The following CD164 variants were observed in gnomAD, a reference collection of about 807,000 sequenced individuals.
CD164 encodes CD164 molecule.
Under a neutral mutation model 24.6 loss-of-function variants are expected in CD164, and 11 were observed. The observed-to-expected ratio is 0.45, with a 90% CI of 0.28 to 0.74. The LOEUF (loss-of-function observed/expected upper bound fraction) is 0.74. Among genes scored for constraint, CD164 ranks in the 30% least tolerant of loss-of-function variants. The pLI, the probability that CD164 is intolerant of heterozygous loss-of-function variation, is 0.13. For missense variants in CD164, 295 were observed against 243.7 expected (o/e 1.21, Z -1.40); for synonymous variants, 126 against 100.3 (o/e 1.26, Z -1.53).
chr6:109,375,627 A>AAGAAAG (rs1554215563), intron 4 of CD164, among the ~76,000 whole-genome samples: 1 of 144,672 alleles, frequency 6.9e-6, no homozygotes, highest in Non-Finnish European at 1.5e-5. Flanking sequence ...CAAAAAAAAA[A>AAGAAAG]AAAGAAAAGA....
intron 5 of CD164, 135 bp downstream of exon 5, chr6:109,370,275 TC>T: frequency 3.0e-6 from 2 of 672,294 alleles, no homozygotes; most frequent in Non-Finnish European, 5.2e-6. Context: ...ACTACCTTGA[TC>T]CCCCCTAAGA....
Position 109,368,147 on chromosome 6 carries a change from G to C in CD164, c.*704C>G, listed in dbSNP as rs535034663. On this transcript the variant is annotated 3_prime_UTR_variant, in exon 6 of 6. Transcript: ENST00000310786. ...AATCCTTACCTTCCTTAATGTCAAA[G>C]AACAAATCATAGACATTAAGCTAGA... The C allele has an allele frequency of 1.2e-5, 10 of 844,900 alleles. No individual in the cohort carries two copies. The highest frequency in any genetic ancestry group is 1.7e-5 in the Non-Finnish European group (10 of 572,490). 52.3% of individuals were successfully genotyped at this position (844,900 alleles called of 1,614,324 possible). A position where few individuals can be genotyped will look rare whatever the true frequency, so the allele number is the denominator to read the frequency against.
At chr6:109,370,291 G>C (rs760548832) in intron 5 of CD164, 120 bp downstream of exon 5, 1 of 762,602 alleles carries the variant, frequency 1.3e-6, no homozygotes, top group Non-Finnish European at 2.3e-6. Context: ...CTAAGAGTAA[G>C]AGAAGAATTT....
Position 109,370,439 on chromosome 6 carries a change from AG to A in CD164, c.398del (p.Ser133LeufsTer17). ...ATGTAGTAACTGTCTTGGAAGTTGT[AG>A]AAGGGGAGGGCTGAACTGTGGGTTT... is the stretch of plus-strand genomic sequence containing the variant. ...TAKPTVQPSP[S>X]TTSKTVTTSG... On this transcript the variant is annotated frameshift_variant, in exon 5 of 6. Transcript: ENST00000310786. LOFTEE classifies it high-confidence loss of function. 1 of 1,613,308 alleles carries A rather than the reference AG, an allele frequency of 6.2e-7. No individual in the cohort carries two copies. The highest frequency in any genetic ancestry group is 1.3e-5 in the African/African-American group (1 of 75,004).
chr6:109,378,464 C>G (rs188389807), intron 2 of CD164, among the ~76,000 whole-genome samples: 54 of 151,164 alleles, frequency 3.6e-4, no homozygotes, highest in African/African-American at 1.3e-3. Flanking sequence ...AAGGCGGAGA[C>G]AGTAAGTTGA....
chr6:109,382,189 A>C lies in CD164; in HGVS notation c.175+15T>G, dbSNP rs776609057. 3.9e-6 allele frequency: 6 copies of C among 1,527,992 alleles called. No individual in the cohort carries two copies. The East Asian group carries it at 1.0e-4, about 26-fold the overall frequency. The allele number at this position is 1,527,992 out of a possible 1,614,324, so 94.7% of individuals were successfully genotyped here. On this transcript the variant is annotated intron_variant, in intron 1 of 5. Transcript: ENST00000310786. ...GGGCAGGGGAGGGCGGGAAGCCCAC[A>C]GGGCCCGCGCCCACCTGGTGCCGGA... is the stretch of plus-strand genomic sequence containing the variant.
At chr6:109,378,723 T>G (rs1373369145) in intron 2 of CD164, among the ~76,000 whole-genome samples, 1 of 152,058 alleles carries the variant, frequency 6.6e-6, no homozygotes, top group Non-Finnish European at 1.5e-5. Context: ...CGCCCTTAAA[T>G]CCCATTTTAT....
At chr6:109,380,528 T>C (rs1004066633) in intron 1 of CD164, 2 of 152,256 alleles carry the variant, frequency 1.3e-5, no homozygotes, top group Non-Finnish European at 2.9e-5. Flanking sequence ...TTAGTACTTA[T>C]TAAAGACTGG....
intron 3 of CD164, 138 bp downstream of exon 3, chr6:109,377,762 T>C (rs1562241627): frequency 3.0e-6 from 2 of 673,134 alleles, no homozygotes; most frequent in East Asian, 5.1e-5. Flanking sequence ...AATATGAATA[T>C]ACTATTCATA....
At chr6:109,378,911 C>A (rs1771576750) in intron 2 of CD164, among the ~76,000 whole-genome samples, 1 of 149,830 alleles carries the variant, frequency 6.7e-6, no homozygotes, top group African/African-American at 2.4e-5. Flanking sequence ...GCCAAAACAA[C>A]TAGATTGTTT....
chr6:109,377,806 G>T, intron 3 of CD164, 94 bp downstream of exon 3: 1 of 840,558 alleles, frequency 1.2e-6, no homozygotes, highest in South Asian at 1.4e-5. Context: ...TTATGGCAAT[G>T]CTTCAAACAA....
At chr6:109,375,617 C>CAAAAAAAAA (rs58138405) in intron 4 of CD164, among the ~76,000 whole-genome samples, 7 of 71,388 alleles carry the variant, frequency 9.8e-5, no homozygotes, top group Admixed American at 1.7e-4. Flanking sequence ...ACTTCGCTTC[C>CAAAAAAAAA]AAAAAAAAAA....
At chr6:109,373,983 T>C (rs937016640) in intron 4 of CD164, among the ~76,000 whole-genome samples, 1 of 152,126 alleles carries the variant, frequency 6.6e-6, no homozygotes. Flanking sequence ...TCAAGATGAG[T>C]TGTCCTTGTT....
intron 4 of CD164, among the ~76,000 whole-genome samples, chr6:109,375,571 C>T (rs1243968981): frequency 2.1e-5 from 3 of 146,004 alleles, no homozygotes; most frequent in Admixed American, 7.0e-5. Context: ...GAACCGAGAT[C>T]GTACCACTGC....
chr6:109,376,201 T>C, intron 3 of CD164, 89 bp from the exon 4 acceptor site: 1 of 845,056 alleles, frequency 1.2e-6, no homozygotes, highest in Non-Finnish European at 1.7e-6. Flanking sequence ...CCTGCAATCA[T>C]TTGAGTACTT....
In CD164 at chr6:109,376,059, G is replaced by T; in HGVS notation, c.370+15C>A. 1 of 1,557,384 alleles carries T rather than the reference G, an allele frequency of 6.4e-7. No individual in the cohort carries two copies. The highest frequency in any genetic ancestry group is 8.6e-7 in the Non-Finnish European group (1 of 1,158,950). On this transcript the variant is annotated intron_variant, in intron 4 of 5. Transcript: ENST00000310786. ...ATACTGAAGGAAAAGGAAGAAAACA[G>T]TCATCTTGAATTACCTGTAGAATTG...
chr6:109,381,777 G>C, intron 1 of CD164: 1 of 574,184 alleles, frequency 1.7e-6, no homozygotes, highest in South Asian at 2.1e-5. Context: ...CCGGGAGGGT[G>C]AACAACCAGT....
intron 3 of CD164, 151 bp from the exon 4 acceptor site, chr6:109,376,263 G>T (rs995686943): frequency 1.3e-5 from 7 of 528,410 alleles, no homozygotes; most frequent in Non-Finnish European, 1.9e-5. Flanking sequence ...ACTGACAGTT[G>T]CCCCCAAATA....
chr6:109,375,559 G>A (rs568024669), intron 4 of CD164, among the ~76,000 whole-genome samples: 2 of 148,828 alleles, frequency 1.3e-5, no homozygotes, highest in South Asian at 2.1e-4. Context: ...GAAGGTTGCA[G>A]TGAACCGAGA....
Sources: allele counts gnomAD v4.1 joint callset (sites outside exome capture counted in the v4.1 genomes callset), GRCh38; gene constraint gnomAD v4.1.1; transcripts MANE v1.5; gene names NCBI Gene and HGNC (gene_info 2026-07-23, HGNC 2026-07-21).